Variants in EPAS1 observed in about 807,000 individuals in gnomAD.
EPAS1 encodes the protein endothelial PAS domain-containing protein 1.
EPAS1 carries 23 observed loss-of-function variants against 87.9 expected under a neutral mutation model. The observed-to-expected ratio is 0.26, with a 90% CI of 0.19 to 0.37. The LOEUF (loss-of-function observed/expected upper bound fraction) is 0.37, where lower values mean the gene tolerates loss of function less well. EPAS1 is among the 10% of genes least tolerant of loss of function. The pLI, the probability that EPAS1 is intolerant of heterozygous loss-of-function variation, is 1.00. For synonymous variants in EPAS1, 508 were observed against 444.3 expected (o/e 1.14, Z -1.80); for missense variants, 1,138 against 1,120.7 (o/e 1.02, Z -0.22).
intron 1 of EPAS1, among the ~76,000 whole-genome samples, chr2:46,342,273 G>A (rs1287324050): frequency 1.3e-5 from 2 of 152,184 alleles, no homozygotes; most frequent in African/African-American, 4.8e-5. Flanking sequence ...AGCTGGGTGT[G>A]TTTCTCCTAT....
intron 2 of EPAS1, among the ~76,000 whole-genome samples, chr2:46,352,377 AG>A (rs1229156616): frequency 6.6e-6 from 1 of 152,232 alleles, no homozygotes; most frequent in African/African-American, 2.4e-5. Flanking sequence ...GACAGGACTG[AG>A]CACACAGTAA....
intron 1 of EPAS1, among the ~76,000 whole-genome samples, chr2:46,336,234 T>C (rs1683791525): frequency 1.3e-5 from 2 of 152,190 alleles, no homozygotes; most frequent in South Asian, 4.1e-4. Flanking sequence ...CCAGTTTGTC[T>C]GCCCTAGCCC....
rs1219457249 is a variant in EPAS1, at chr2:46,346,915, G to A, written c.69G>A (p.Ala23=). ...GGAAGGAGAAGTCCCGGGATGCTGC[G>A]CGGTGCCGGCGGAGCAAGGAGACGG... ...ERRKEKSRDA[A]RCRRSKETEV... The change falls in exon 2 of 16, where the codon GCG becomes GCA. Residue 23 remains alanine (A), a synonymous_variant. Transcript: ENST00000263734. This position sits in a 1 kb window ranked among gnomAD's most constrained non-coding sequence, Gnocchi z 4.0. 15 of 1,614,094 alleles carry A rather than the reference G, an allele frequency of 9.3e-6. No homozygotes were observed. Among genetic ancestry groups the A allele is most frequent in the Middle Eastern group, 1.6e-4 (1 of 6,084 alleles).
At position 46,297,919 on chromosome 2, in the gene EPAS1, C is replaced by A; in HGVS notation, c.8C>A (p.Ala3Asp). The A allele has an allele frequency of 1.9e-6, 3 of 1,612,546 alleles. No homozygotes were observed. Among genetic ancestry groups the A allele is most frequent in the African/African-American group, 1.3e-5 (1 of 74,964 alleles). MT[A>D]DKEKKRSSSE... ...CAAAGGGCCACAGCGACAATGACAGCTGACAAGGAGAAGAAAAGGTAAGCG... is the reference window on the plus strand; with the variant it reads ...CAAAGGGCCACAGCGACAATGACAGATGACAAGGAGAAGAAAAGGTAAGCG... Residue 3 changes from alanine to aspartate, a missense_variant, in exon 1 of 16, where the codon GCT becomes GAT. Coordinates refer to ENST00000263734, the MANE Select transcript of EPAS1 (RefSeq NM_001430.5).
chr2:46,307,800 T>C (rs1683136476), intron 1 of EPAS1, among the ~76,000 whole-genome samples: 1 of 152,236 alleles, frequency 6.6e-6, no homozygotes, highest in African/African-American at 2.4e-5. Flanking sequence ...CACATGGTGC[T>C]GATCCTGCAG....
intron 7 of EPAS1, among the ~76,000 whole-genome samples, chr2:46,370,163 C>T (rs1294200072): frequency 3.3e-5 from 5 of 152,236 alleles, no homozygotes; most frequent in African/African-American, 7.2e-5. Flanking sequence ...GAGATGCACC[C>T]GTGCCAAGGT....
chr2:46,373,983 T>C (rs1321248091), intron 7 of EPAS1, among the ~76,000 whole-genome samples: 1 of 152,238 alleles, frequency 6.6e-6, no homozygotes, highest in Non-Finnish European at 1.5e-5. Context: ...GCAGTGATGA[T>C]GACCTAATCC....
At chr2:46,376,858 T>A (rs1225459424) in intron 9 of EPAS1, 105 bp downstream of exon 9, 5 of 1,188,374 alleles carry the variant, frequency 4.2e-6, no homozygotes, top group Non-Finnish European at 6.1e-6. Flanking sequence ...TAACCAGAGC[T>A]ACCCCAGCCC....
chr2:46,363,023 A>AGGTGG (rs1684433088), intron 6 of EPAS1, among the ~76,000 whole-genome samples: 1 of 143,616 alleles, frequency 7.0e-6, no homozygotes, highest in Non-Finnish European at 1.5e-5. Context: ...GGTGGTGATA[A>AGGTGG]TGATGGTGGT....
chr2:46,327,718 G>T (rs1683591717), intron 1 of EPAS1, among the ~76,000 whole-genome samples: 1 of 152,182 alleles, frequency 6.6e-6, no homozygotes, highest in Admixed American at 6.5e-5. Context: ...TATAGCCCCT[G>T]GCACAGAGTA....
At position 46,297,950 on chromosome 2, in the gene EPAS1, C is replaced by T; in HGVS notation, c.26+13C>T. Reference sequence around the variant, plus strand: ...AGGAGAAGAAAAGGTAAGCGGGCGTCCGGGCCGATCAGGGGGCCGGTCCGA... The same window carrying T: ...AGGAGAAGAAAAGGTAAGCGGGCGTTCGGGCCGATCAGGGGGCCGGTCCGA... On this transcript the variant is annotated intron_variant, in intron 1 of 15. Transcript: ENST00000263734. 6.2e-7 allele frequency: 1 copy of T among 1,612,076 alleles called. No homozygotes were observed. The highest frequency in any genetic ancestry group is 8.5e-7 in the Non-Finnish European group (1 of 1,179,182).
In EPAS1 at chr2:46,380,671, T is replaced by C. The variant is rs1684868314; in HGVS notation, c.1999T>C (p.Leu667=). The change falls in exon 12 of 16, where the codon TTG becomes CTG. Residue 667 remains leucine (L), a synonymous_variant. Coordinates refer to ENST00000263734, the MANE Select transcript of EPAS1 (RefSeq NM_001430.5). The surrounding 1 kb of genome is among the most constrained non-coding windows in gnomAD (Gnocchi z 4.4). ...CACAGAGTTCTTGGGAGCAGCGCCG[T>C]TGGGGCCCCCTGTCTCTCCACCCCA... ...QRTEFLGAAP[L]GPPVSPPHVS... is the part of the protein sequence containing the mutation. 2 of 1,613,846 alleles carry C rather than the reference T, an allele frequency of 1.2e-6. No homozygotes were observed. Among genetic ancestry groups the C allele is most frequent in the African/African-American group, 1.3e-5 (1 of 74,906 alleles).
chr2:46,354,525 C>T (rs186050598), intron 2 of EPAS1, among the ~76,000 whole-genome samples: 5 of 150,700 alleles, frequency 3.3e-5, no homozygotes, highest in Middle Eastern at 3.4e-3. Context: ...GGACAAGAGC[C>T]GAGTCTATAT....
intron 1 of EPAS1, among the ~76,000 whole-genome samples, chr2:46,302,757 AAG>A (rs1465144393): frequency 2.1e-5 from 3 of 143,466 alleles, no homozygotes; most frequent in African/African-American, 7.7e-5. Flanking sequence ...AAAAAAAAAA[AAG>A]AGATACAAGG....
At chr2:46,376,876 C>G (rs1684763272) in intron 9 of EPAS1, 123 bp downstream of exon 9, 1 of 996,842 alleles carries the variant, frequency 1.0e-6, no homozygotes, top group Non-Finnish European at 1.5e-6. Flanking sequence ...CCCCCCAAGT[C>G]TTGTTAATCA....
chr2:46,344,518 C>T (rs1683978956), intron 1 of EPAS1, among the ~76,000 whole-genome samples: 1 of 152,212 alleles, frequency 6.6e-6, no homozygotes, highest in African/African-American at 2.4e-5. Context: ...TTTCAGCATC[C>T]TGCCCTCTTC....
intron 6 of EPAS1, 44 bp from the exon 7 acceptor site, chr2:46,369,783 A>T (rs771999077): frequency 6.9e-6 from 10 of 1,458,076 alleles, no homozygotes; most frequent in Admixed American, 5.2e-5. Flanking sequence ...GTGCTAAGTT[A>T]ATATGGTCTT....
chr2:46,358,668 A>G (rs770185979), intron 4 of EPAS1, among the ~76,000 whole-genome samples: 1 of 152,216 alleles, frequency 6.6e-6, no homozygotes, highest in Non-Finnish European at 1.5e-5. Flanking sequence ...TTCACAGCCA[A>G]GTGACCTCTA....
At position 46,363,964 on chromosome 2, in the gene EPAS1, A is replaced by G. The variant is rs545149471; in HGVS notation, c.779+2874A>G. On this transcript the variant is annotated intron_variant, in intron 6 of 15. Coordinates refer to ENST00000263734, the MANE Select transcript of EPAS1 (RefSeq NM_001430.5). Reference sequence around the variant, plus strand: ...GGCTTAGACAGTTGATGAAGTGACTATTTTAAGTCCTTAATCCCTAAGTGT... The same window carrying G: ...GGCTTAGACAGTTGATGAAGTGACTGTTTTAAGTCCTTAATCCCTAAGTGT... 7.2e-5 allele frequency among the ~76,000 whole-genome samples: 11 copies of G among 152,332 alleles called. 1 individual carries two copies. The South Asian group carries it at 2.1e-3, about 29-fold the overall frequency.
Sources: gnomAD v4.1 joint callset for allele counts (sites outside exome capture counted in the v4.1 genomes callset) on GRCh38, gnomAD v4.1.1 for gene constraint, Gnocchi (gnomAD v3.1) non-coding constraint, MANE v1.5 for transcripts, NCBI Gene and HGNC (gene_info 2026-07-23, HGNC 2026-07-21) for gene names.